The following CHST9 variants were observed in gnomAD, a reference collection of about 807,000 sequenced individuals.
CHST9 encodes carbohydrate sulfotransferase 9, also known as GalNAc-4-sulfotransferase 2.
A neutral mutation model predicts 44.4 loss-of-function variants in CHST9; 41 were observed. The ratio of observed to expected loss-of-function variants is 0.92; its 90% CI spans 0.72 to 1.20. The LOEUF is 1.20. Ranked by LOEUF, CHST9 falls within the 50% of genes most tolerant of loss-of-function variation. The probability of loss-of-function intolerance (pLI) is 0.00; values close to 1 mark genes in which losing one functional copy is unlikely to be tolerated. For missense variants in CHST9, 504 were observed against 516.5 expected, an observed-to-expected ratio of 0.98 and a Z score of 0.23; for synonymous variants, 171 against 178.4, an observed-to-expected ratio of 0.96 and a Z score of 0.33.
intron 2 of CHST9, among the ~76,000 whole-genome samples, chr18:27,117,468 A>G (rs73406619): frequency 0.018 from 2,739 of 152,296 alleles, 66 homozygotes; most frequent in African/African-American, 0.061. Context: ...TAATAAATGT[A>G]TAACAACATA....
At chr18:26,936,379 AC>A (rs1264932440) in intron 5 of CHST9, 2 of 152,300 alleles carry the variant, frequency 1.3e-5, no homozygotes, top group African/African-American at 4.8e-5. Flanking sequence ...CAAAAAAAAA[AC>A]AAAACATTGT....
chr18:26,936,255 C>T (rs962384516), intron 5 of CHST9: 29 of 152,030 alleles, frequency 1.9e-4, no homozygotes, highest in African/African-American at 6.0e-4. Context: ...GATGACTACT[C>T]GAATACTTCT....
intron 1 of CHST9, among the ~76,000 whole-genome samples, chr18:27,170,064 C>T (rs547195854): frequency 6.6e-6 from 1 of 152,218 alleles, no homozygotes; most frequent in African/African-American, 2.4e-5. Context: ...TCCTTAACAC[C>T]AAAATCAGGA....
At chr18:26,990,124 A>G (rs2056799278) in intron 4 of CHST9, among the ~76,000 whole-genome samples, 1 of 152,220 alleles carries the variant, frequency 6.6e-6, no homozygotes, top group Admixed American at 6.5e-5. Context: ...ATAACTATGT[A>G]GAGTTAAAGA....
At chr18:27,011,938 AC>A (rs2057089999) in intron 4 of CHST9, among the ~76,000 whole-genome samples, 1 of 151,922 alleles carries the variant, frequency 6.6e-6, no homozygotes, top group South Asian at 2.1e-4. Context: ...TGTCAAGACC[AC>A]CTTTGCCTTT....
chr18:27,106,723 C>T (rs561067088), intron 2 of CHST9, among the ~76,000 whole-genome samples: 1 of 152,248 alleles, frequency 6.6e-6, no homozygotes, highest in Non-Finnish European at 1.5e-5. Context: ...TTTGCAATGC[C>T]TGTCAAAAAG....
intron 4 of CHST9, among the ~76,000 whole-genome samples, chr18:27,000,811 C>A (rs770099191): frequency 6.6e-6 from 1 of 152,096 alleles, no homozygotes; most frequent in Non-Finnish European, 1.5e-5. Context: ...TCCCTCCTAC[C>A]ACATCCCTGG....
intron 4 of CHST9, among the ~76,000 whole-genome samples, chr18:27,012,378 T>C (rs1353918174): frequency 6.6e-6 from 1 of 152,172 alleles, no homozygotes; most frequent in Non-Finnish European, 1.5e-5. Flanking sequence ...GAAAAGAAAA[T>C]ATTTTTAAGA....
At chr18:26,925,996 G>A (rs1339963004) in intron 5 of CHST9, 1 of 152,128 alleles carries the variant, frequency 6.6e-6, no homozygotes, top group Non-Finnish European at 1.5e-5. Context: ...AGACACTTGA[G>A]AGACAGAAAT....
At chr18:27,114,572 AC>A (rs757284428) in intron 2 of CHST9, among the ~76,000 whole-genome samples, 2 of 152,158 alleles carry the variant, frequency 1.3e-5, no homozygotes, top group Non-Finnish European at 2.9e-5. Context: ...ATTTCAAAAC[AC>A]TTATCAATTG....
At chr18:27,026,304 C>G (rs758899856) in intron 3 of CHST9, among the ~76,000 whole-genome samples, 19 of 152,148 alleles carry the variant, frequency 1.2e-4, no homozygotes, top group Admixed American at 8.5e-4. Context: ...CGTTCTCCCC[C>G]ACTATAGTAA....
intron 1 of CHST9, among the ~76,000 whole-genome samples, chr18:27,167,244 T>C (rs991028616): frequency 1.3e-5 from 2 of 151,896 alleles, no homozygotes; most frequent in Non-Finnish European, 2.9e-5. Context: ...ACTCTTCACC[T>C]AAAAAGCCAT....
At chr18:27,021,269 C>T (rs1387295273) in intron 4 of CHST9, among the ~76,000 whole-genome samples, 1 of 152,054 alleles carries the variant, frequency 6.6e-6, no homozygotes, top group East Asian at 1.9e-4. Context: ...CTGATGGTGA[C>T]AGCATATAAC....
chr18:26,984,163 A>C (rs1336585732), intron 4 of CHST9, among the ~76,000 whole-genome samples: 1 of 152,220 alleles, frequency 6.6e-6, no homozygotes, highest in Non-Finnish European at 1.5e-5. Flanking sequence ...TAACTCACTT[A>C]ATTGTAACTT....
intron 2 of CHST9, among the ~76,000 whole-genome samples, chr18:27,054,191 C>T (rs1374135317): frequency 6.6e-6 from 1 of 152,002 alleles, no homozygotes; most frequent in African/African-American, 2.4e-5. Context: ...AAAGTACAAC[C>T]AAGAATAGAG....
At chr18:27,117,865 A>G (rs1032044461) in intron 2 of CHST9, among the ~76,000 whole-genome samples, 1 of 152,238 alleles carries the variant, frequency 6.6e-6, no homozygotes, top group African/African-American at 2.4e-5. Context: ...ATTTGTGTGT[A>G]TGTTTTGCAT....
intron 3 of CHST9, among the ~76,000 whole-genome samples, chr18:27,029,989 G>GT (rs1210996103): frequency 9.2e-5 from 14 of 152,180 alleles, no homozygotes; most frequent in African/African-American, 3.4e-4. Context: ...GGATTTTGTA[G>GT]TAGCTGTTTT....
chr18:26,930,969 G>A (rs2055868302), intron 5 of CHST9: 1 of 151,982 alleles, frequency 6.6e-6, no homozygotes, highest in African/African-American at 2.4e-5. Context: ...GAGGGGAGCT[G>A]TTTCTGCCCC....
Position 26,917,101 on chromosome 18 carries a change from T to C in CHST9, c.490A>G (p.Lys164Glu), listed in dbSNP as rs374580123. The C allele has an allele frequency of 2.7e-5, 43 of 1,613,958 alleles. No individual in the cohort carries two copies. The highest frequency in any genetic ancestry group is 3.6e-5 in the Non-Finnish European group (43 of 1,179,882). ...TCAGTTTTCTTCCATTTATTATCTT[T>C]GACTAAACTTTTGTTTAAAGGGTGA... is the stretch of plus-strand genomic sequence containing the variant. ...DIHPLNKSLVKDNKWKKTEET... is the reference protein window; with the variant it reads ...DIHPLNKSLVEDNKWKKTEET... Residue 164 changes from lysine to glutamate, a missense_variant, in exon 6 of 6, where the codon AAA (lysine) becomes GAA (glutamate). Coordinates refer to ENST00000618847, the MANE Select transcript of CHST9 (RefSeq NM_031422.6).
Sources: allele counts gnomAD v4.1 joint callset (sites outside exome capture counted in the v4.1 genomes callset), GRCh38; gene constraint gnomAD v4.1.1; transcripts MANE v1.5; gene names NCBI Gene and HGNC (gene_info 2026-07-23, HGNC 2026-07-21).